The following DNM1 variants were observed in gnomAD, a reference collection of about 807,000 sequenced individuals.
DNM1 encodes the protein dynamin-1.
A neutral mutation model predicts 104.6 loss-of-function variants in DNM1; 29 were observed. That is an observed-to-expected ratio of 0.28 (90% CI 0.21 to 0.38). The LOEUF (loss-of-function observed/expected upper bound fraction) is 0.38. Ranked by LOEUF, DNM1 falls within the 10% of genes least tolerant of loss-of-function variation. The probability of loss-of-function intolerance (pLI) is 1.00; values close to 1 mark genes in which losing one functional copy is unlikely to be tolerated. For synonymous variants in DNM1, 445 were observed against 475.8 expected (o/e 0.94, Z 0.84); for missense variants, 640 against 1,189.4 (o/e 0.54, Z 6.79).
Position 128,248,562 on chromosome 9 carries a change from C to A in DNM1, c.1906-21C>A. On this transcript the variant is annotated intron_variant, in intron 18 of 21. Transcript: ENST00000372923. The surrounding 1 kb of genome is among the most constrained non-coding windows in gnomAD (Gnocchi z 5.6). ...GGCTGCATGGCCTGGCCACCTGATG[C>A]CCTTGTGTTCTCCATGGCAGGCCAG... 1 of 1,608,184 alleles carries A rather than the reference C, an allele frequency of 6.2e-7. No homozygotes were observed. The highest frequency in any genetic ancestry group is 8.5e-7 in the Non-Finnish European group (1 of 1,175,370).
chr9:128,252,194 A>C, intron 21 of DNM1: 1 of 237,850 alleles, frequency 4.2e-6, no homozygotes, highest in South Asian at 4.8e-5. Flanking sequence ...TGCTGTGTTA[A>C]CTGCAGATGC....
chr9:128,249,941 T>C (rs1829411961), intron 19 of DNM1, among the ~76,000 whole-genome samples, 174 bp from the exon 20 acceptor site: 1 of 152,054 alleles, frequency 6.6e-6, no homozygotes, highest in African/African-American at 2.4e-5. Flanking sequence ...TGGACCTCAG[T>C]GTCCTCATCT....
chr9:128,253,503 T>G lies in DNM1; in HGVS notation c.2535-1151T>G, dbSNP rs1488047968. The G allele has an allele frequency of 3.2e-6, 1 of 309,162 alleles. No individual in the cohort carries two copies. Among genetic ancestry groups the G allele is most frequent in the African/African-American group, 2.2e-5 (1 of 46,494 alleles). 19.2% of individuals were successfully genotyped at this position (309,162 alleles called of 1,614,324 possible). On this transcript the variant is annotated intron_variant, in intron 21 of 21. Transcript: ENST00000372923. This position sits in a 1 kb window ranked among gnomAD's most constrained non-coding sequence, Gnocchi z 5.9. ...GAGGGGGTCGTGTGTGGGGCTGGACTCTGAGGCGGCCAGAGGCCTAGGAAC... is the reference window on the plus strand; with the variant it reads ...GAGGGGGTCGTGTGTGGGGCTGGACGCTGAGGCGGCCAGAGGCCTAGGAAC...
In DNM1 at chr9:128,254,867, C is replaced by T. The variant is rs563446740; in HGVS notation, c.*153C>T. On this transcript the variant is annotated 3_prime_UTR_variant, in exon 22 of 22. Transcript: ENST00000372923. The surrounding 1 kb of genome is among the most constrained non-coding windows in gnomAD (Gnocchi z 6.1). Reference sequence around the variant, plus strand: ...GTGAGCTGATACATTCAGGTGTGACCGTTGGTGAAAACTTGTGCCCCTTCT... The same window carrying T: ...GTGAGCTGATACATTCAGGTGTGACTGTTGGTGAAAACTTGTGCCCCTTCT... 11 of 664,958 alleles carry T rather than the reference C, an allele frequency of 1.7e-5. No homozygotes were observed. The highest frequency in any genetic ancestry group is 1.1e-4 in the Admixed American group (4 of 35,694). The allele number at this position is 664,958 out of a possible 1,614,324, so 41.2% of individuals were successfully genotyped here.
At chr9:128,239,087 TC>T (rs771208191) in intron 11 of DNM1, among the ~76,000 whole-genome samples, 1 of 151,982 alleles carries the variant, frequency 6.6e-6, no homozygotes, top group Non-Finnish European at 1.5e-5. Context: ...AGCCTCAACT[TC>T]CTGGGCTCAA....
In DNM1 at chr9:128,240,068, C is replaced by A. The variant is rs1434929511; in HGVS notation, c.1557+72C>A. 7.0e-6 allele frequency: 11 copies of A among 1,570,306 alleles called. No homozygotes were observed. The highest frequency in any genetic ancestry group is 9.6e-6 in the Non-Finnish European group (11 of 1,140,874). ...AGGGTCCATCGGCAGTGGGGATCTG[C>A]AACGGGTAGGAGGGCACCCTTTGGC... is the stretch of plus-strand genomic sequence containing the variant. On this transcript the variant is annotated intron_variant, in intron 14 of 21. Transcript: ENST00000372923. The surrounding 1 kb of genome is among the most constrained non-coding windows in gnomAD (Gnocchi z 5.1).
chr9:128,224,534 G>T lies in DNM1; in HGVS notation c.1335+145G>T. On this transcript the variant is annotated intron_variant, in intron 10 of 21. Coordinates refer to ENST00000372923, the MANE Select transcript of DNM1 (RefSeq NM_004408.4). The surrounding 1 kb of genome is among the most constrained non-coding windows in gnomAD (Gnocchi z 4.3). ...GGGGAGGCAGGCCACCACTGAATAG[G>T]AGACAATGTGCCTCTGAGAGGGCCT... The T allele has an allele frequency of 1.4e-6, 1 of 701,438 alleles. No individual in the cohort carries two copies. The highest frequency in any genetic ancestry group is 2.2e-6 in the Non-Finnish European group (1 of 456,054). The allele number at this position is 701,438 out of a possible 1,614,324, so 43.5% of individuals were successfully genotyped here.
chr9:128,254,529 C>T lies in DNM1; in HGVS notation c.2535-125C>T, dbSNP rs182883829. ...CTTGCCACACCCACACCTGCAGCCT[C>T]CCCTCCCCGGCCCTCCCACCACTGC... On this transcript the variant is annotated intron_variant, in intron 21 of 21. Coordinates refer to ENST00000372923, the MANE Select transcript of DNM1 (RefSeq NM_004408.4). This position sits in a 1 kb window ranked among gnomAD's most constrained non-coding sequence, Gnocchi z 6.1. 2.9e-3 allele frequency: 4,478 copies of T among 1,558,086 alleles called. 81 individuals are homozygous for T. The highest frequency in any genetic ancestry group is 0.027 in the South Asian group (2,364 of 87,822).
rs1834737803 is a variant in DNM1 at position 128,218,365 on chromosome 9, AGC to A, written c.235+62_235+63del. 1.9e-6 allele frequency: 3 copies of A among 1,579,704 alleles called. No homozygotes were observed. Among genetic ancestry groups the A allele is most frequent in the Non-Finnish European group, 2.6e-6 (3 of 1,148,862 alleles). ...CACTCCAGCCTCTCCCCCGTCCCCAAGCTGAGGGCCAGCCTGGCCACGAACTT... is the reference window on the plus strand; with the variant it reads ...CACTCCAGCCTCTCCCCCGTCCCCAATGAGGGCCAGCCTGGCCACGAACTT... On this transcript the variant is annotated intron_variant, in intron 2 of 21. Transcript: ENST00000372923. The surrounding 1 kb of genome is among the most constrained non-coding windows in gnomAD (Gnocchi z 4.8).
In DNM1 at chr9:128,240,199, C is replaced by T. The variant is rs1836278809; in HGVS notation, c.1557+203C>T. Among the ~76,000 whole-genome samples, 1 of 152,186 alleles carries T rather than the reference C, an allele frequency of 6.6e-6. No individual in the cohort carries two copies. The highest frequency in any genetic ancestry group is 2.4e-5 in the African/African-American group (1 of 41,434). On this transcript the variant is annotated intron_variant, in intron 14 of 21. Coordinates refer to ENST00000372923, the MANE Select transcript of DNM1 (RefSeq NM_004408.4). The surrounding 1 kb of genome is among the most constrained non-coding windows in gnomAD (Gnocchi z 5.1). The stretch of plus-strand genomic sequence containing the variant: ...CCATCTGTGTGCACGAGCCAAGCAC[C>T]TACTTCAGGCAGAGCTAGACCGTGT...
rs1835861092 is a variant in DNM1 at position 128,234,087 on chromosome 9, G to A, written c.1402G>A (p.Glu468Lys). The A allele has an allele frequency of 6.4e-7, 1 of 1,569,316 alleles. No homozygotes were observed. Among genetic ancestry groups the A allele is most frequent in the Non-Finnish European group, 8.6e-7 (1 of 1,157,994 alleles). The change falls in exon 11 of 22, where the codon GAG (glutamate) becomes AAG (lysine). Residue 468 changes from glutamate to lysine, a missense_variant. Glu to Lys is a moderately conservative substitution (Grantham distance 56, BLOSUM62 1). Transcript: ENST00000372923. ...CGTGACCACCCACATCCGGGAGCGC[G>A]AGGGCCGCACTAAGGAGCAGGTGAG... ...RIVTTHIREREGRTKEQVMLL... is the reference protein window; with the variant it reads ...RIVTTHIRERKGRTKEQVMLL...
In DNM1 at chr9:128,223,009, A is replaced by G. The variant is rs112664871; in HGVS notation, c.1196+149A>G. ...CGACCCCAACTTTCTGGCTCCCTGCATGACAGGCTCCAGCTTGGGGAGGTG... is the reference window on the plus strand; with the variant it reads ...CGACCCCAACTTTCTGGCTCCCTGCGTGACAGGCTCCAGCTTGGGGAGGTG... On this transcript the variant is annotated intron_variant, in intron 9 of 21. Transcript: ENST00000372923. 482 of 769,518 alleles carry G rather than the reference A, an allele frequency of 6.3e-4. 4 individuals carry two copies. The African/African-American group carries it at 7.6e-3, about 12-fold the overall frequency. The allele number at this position is 769,518 out of a possible 1,614,324, so 47.7% of individuals were successfully genotyped here.
Position 128,218,226 on chromosome 9 carries a change from T to C in DNM1, c.162-5T>C, listed in dbSNP as rs776377416. 8 of 1,613,884 alleles carry C rather than the reference T, an allele frequency of 5.0e-6. No individual in the cohort carries two copies. Among genetic ancestry groups the C allele is most frequent in the Non-Finnish European group, 5.9e-6 (7 of 1,179,952 alleles). On this transcript the variant is annotated splice_polypyrimidine_tract_variant and splice_region_variant and intron_variant, in intron 1 of 21. Transcript: ENST00000372923. The surrounding 1 kb of genome is among the most constrained non-coding windows in gnomAD (Gnocchi z 4.8). ...GACCCTCCTTTGACCTCCAACTCAT[T>C]GCAGGGACTTCTTGCCTCGAGGATC...
At chr9:128,216,979 C>T (rs1009730887) in intron 1 of DNM1, among the ~76,000 whole-genome samples, 3 of 152,218 alleles carry the variant, frequency 2.0e-5, no homozygotes, top group Non-Finnish European at 2.9e-5. Flanking sequence ...GAGAGGCCTT[C>T]ACCCTTGTGC....
At chr9:128,233,566 G>A (rs1352143175) in intron 10 of DNM1, 1 of 165,390 alleles carries the variant, frequency 6.0e-6, no homozygotes, top group Non-Finnish European at 1.3e-5. Flanking sequence ...TCCTGGATAG[G>A]AATCCAGAGG....
intron 1 of DNM1, among the ~76,000 whole-genome samples, chr9:128,206,236 C>T (rs1010535995): frequency 6.6e-6 from 1 of 152,198 alleles, no homozygotes; most frequent in Non-Finnish European, 1.5e-5. Context: ...AGGGCTGCCC[C>T]AGGCCCACCC....
At chr9:128,207,905 G>T (rs1282722677) in intron 1 of DNM1, among the ~76,000 whole-genome samples, 1 of 151,986 alleles carries the variant, frequency 6.6e-6, no homozygotes, top group African/African-American at 2.4e-5. Flanking sequence ...TCCAGGGTAG[G>T]GTAGGGGTCC....
rs141844476 is a variant in DNM1 at position 128,220,727 on chromosome 9, G to GCGCGCGCA, written c.849+386_849+387insCGCGCGCA. 2.8e-5 allele frequency among the ~76,000 whole-genome samples: 1 copy of GCGCGCGCA among 36,360 alleles called. No homozygotes were observed. Among genetic ancestry groups the GCGCGCGCA allele is most frequent in the South Asian group, 1.4e-3 (1 of 724 alleles). 23.9% of individuals were successfully genotyped at this position (36,360 alleles called of 152,430 possible). A position where few individuals can be genotyped will look rare whatever the true frequency, so the allele number is the denominator to read the frequency against. ...CTGGAATGGGGCATCCAGAACTGAA[G>GCGCGCGCA]TGCGCGCGCGCGCGCGTGTGTGTGT... On this transcript the variant is annotated intron_variant, in intron 6 of 21. Coordinates refer to ENST00000372923, the MANE Select transcript of DNM1 (RefSeq NM_004408.4). This position sits in a 1 kb window ranked among gnomAD's most constrained non-coding sequence, Gnocchi z 5.2.
Position 128,234,086 on chromosome 9 carries a change from C to G in DNM1, c.1401C>G (p.Arg467=). 1 of 1,569,684 alleles carries G rather than the reference C, an allele frequency of 6.4e-7. No individual in the cohort carries two copies. The highest frequency in any genetic ancestry group is 8.6e-7 in the Non-Finnish European group (1 of 1,158,178). The change falls in exon 11 of 22, where the codon CGC becomes CGG. Residue 467 remains arginine (R), a synonymous_variant. Coordinates refer to ENST00000372923, the MANE Select transcript of DNM1 (RefSeq NM_004408.4). The part of the protein sequence containing the change: ...ERIVTTHIRE[R]EGRTKEQVML... ...TCGTGACCACCCACATCCGGGAGCG[C>G]GAGGGCCGCACTAAGGAGCAGGTGA... is the stretch of plus-strand genomic sequence containing the variant.
Sources: allele counts gnomAD v4.1 joint callset (sites outside exome capture counted in the v4.1 genomes callset), GRCh38; gene constraint gnomAD v4.1.1; non-coding constraint Gnocchi (gnomAD v3.1); transcripts MANE v1.5; gene names NCBI Gene and HGNC (gene_info 2026-07-23, HGNC 2026-07-21).